GRID2: variants seen among roughly 807,000 people sequenced by gnomAD.
The protein encoded by GRID2 is glutamate receptor ionotropic, delta-2.
Under a neutral mutation model 114.8 loss-of-function variants are expected in GRID2, and 33 were observed. The observed-to-expected ratio is 0.29, with a 90% confidence interval of 0.22 to 0.38. The LOEUF (loss-of-function observed/expected upper bound fraction) is 0.38, where lower values mean the gene tolerates loss of function less well. Among genes scored for constraint, GRID2 ranks in the 10% least tolerant of loss-of-function variants. GRID2 has a pLI of 1.00. For synonymous variants in GRID2, 505 were observed against 449.9 expected (o/e 1.12, Z -1.55); for missense variants, 1,184 against 1,257.7 (o/e 0.94, Z 0.89).
Position 93,130,096 on chromosome 4 carries a change from T to C in GRID2, c.735+19143T>C, listed in dbSNP as rs115565675. The stretch of plus-strand genomic sequence containing the variant: ...TTTATTTGTAATACTGTTGTTTTAA[T>C]TATCCAGGTTGAGAATTAGACAGGC... On this transcript the variant is annotated intron_variant, in intron 4 of 15. Coordinates refer to ENST00000282020, the MANE Select transcript of GRID2 (RefSeq NM_001510.4). Among the ~76,000 whole-genome samples the C allele has an allele frequency of 7.8e-3, 1,181 of 152,282 alleles. 16 individuals carry two copies. The highest frequency in any genetic ancestry group is 0.027 in the African/African-American group (1,120 of 41,562).
intron 2 of GRID2, among the ~76,000 whole-genome samples, chr4:92,818,718 T>C (rs1323591652): frequency 6.6e-6 from 1 of 152,120 alleles, no homozygotes; most frequent in East Asian, 1.9e-4. Context: ...AAGTGCTCTT[T>C]CATACTTCAT....
intron 10 of GRID2, among the ~76,000 whole-genome samples, chr4:93,450,569 A>G (rs185684009): frequency 1.3e-4 from 19 of 151,896 alleles, no homozygotes; most frequent in Admixed American, 1.2e-3. Flanking sequence ...AATGTATTTC[A>G]ATTTGTCTAA....
intron 2 of GRID2, among the ~76,000 whole-genome samples, chr4:92,992,760 T>C (rs534384825): frequency 1.3e-5 from 2 of 152,302 alleles, no homozygotes; most frequent in African/African-American, 4.8e-5. Context: ...TACCAGTAGA[T>C]AATAATGAAA....
chr4:92,433,646 CTT>C (rs965154742), intron 1 of GRID2, among the ~76,000 whole-genome samples: 18 of 152,284 alleles, frequency 1.2e-4, no homozygotes, highest in African/African-American at 3.8e-4. Context: ...TTTCCACCCC[CTT>C]CAGTGCCTCT....
intron 1 of GRID2, among the ~76,000 whole-genome samples, chr4:92,409,531 G>A (rs1184957834): frequency 5.3e-5 from 8 of 152,010 alleles, no homozygotes; most frequent in Non-Finnish European, 1.2e-4. Flanking sequence ...AAATTTATAA[G>A]TCACCATTTC....
chr4:93,281,498 AG>A (rs1752648547), intron 8 of GRID2, among the ~76,000 whole-genome samples: 1 of 152,022 alleles, frequency 6.6e-6, no homozygotes, highest in Non-Finnish European at 1.5e-5. Flanking sequence ...TGTATTCTTT[AG>A]CAGAAACAAG....
intron 8 of GRID2, among the ~76,000 whole-genome samples, chr4:93,244,635 A>T (rs867028496): frequency 1.9e-4 from 25 of 134,194 alleles, no homozygotes; most frequent in African/African-American, 7.0e-4. Flanking sequence ...ATTATATATT[A>T]ATTAATAGAT....
intron 14 of GRID2, among the ~76,000 whole-genome samples, chr4:93,750,813 G>A (rs1236476785): frequency 6.6e-6 from 1 of 152,160 alleles, no homozygotes; most frequent in Non-Finnish European, 1.5e-5. Flanking sequence ...TAAGAGTTAG[G>A]ATAGAAGGAA....
At chr4:93,422,282 C>T (rs1371866945) in intron 9 of GRID2, among the ~76,000 whole-genome samples, 1 of 152,132 alleles carries the variant, frequency 6.6e-6, no homozygotes, top group Non-Finnish European at 1.5e-5. Flanking sequence ...TAGTGAATAA[C>T]TCCCAGTAAA....
At chr4:93,711,802 G>A (rs1397004320) in intron 14 of GRID2, among the ~76,000 whole-genome samples, 1 of 152,154 alleles carries the variant, frequency 6.6e-6, no homozygotes, top group Non-Finnish European at 1.5e-5. Flanking sequence ...ATTCAAGACT[G>A]TCTTTCCTAC....
chr4:92,949,649 T>G (rs889485006), intron 2 of GRID2, among the ~76,000 whole-genome samples: 5 of 151,344 alleles, frequency 3.3e-5, no homozygotes, highest in African/African-American at 1.2e-4. Context: ...CAGGTAGAAT[T>G]TGGTAGGCTT....
chr4:93,408,951 A>G (rs1388554927), intron 9 of GRID2, among the ~76,000 whole-genome samples: 4 of 152,166 alleles, frequency 2.6e-5, no homozygotes, highest in Non-Finnish European at 5.9e-5. Flanking sequence ...CTGTCACCTT[A>G]TTCTTAAAAC....
chr4:93,413,241 C>G (rs1307826027), intron 9 of GRID2, among the ~76,000 whole-genome samples: 1 of 152,198 alleles, frequency 6.6e-6, no homozygotes, highest in Non-Finnish European at 1.5e-5. Flanking sequence ...TATTTCTTCA[C>G]AGCCTTGCCA....
chr4:93,302,661 T>A, intron 8 of GRID2: 1 of 445,514 alleles, frequency 2.2e-6, no homozygotes, highest in Non-Finnish European at 4.5e-6. Flanking sequence ...TATAAAAACC[T>A]AATTTTCTGT....
intron 2 of GRID2, among the ~76,000 whole-genome samples, chr4:92,835,935 T>C (rs1241667441): frequency 1.3e-5 from 2 of 152,158 alleles, no homozygotes; most frequent in African/African-American, 2.4e-5. Context: ...TGTGGAATAC[T>C]TCTACGGTAG....
intron 5 of GRID2, among the ~76,000 whole-genome samples, chr4:93,215,434 T>G (rs1744091519): frequency 6.6e-6 from 1 of 152,064 alleles, no homozygotes; most frequent in Admixed American, 6.6e-5. Flanking sequence ...GGATACCGTT[T>G]AATCCTACTT....
chr4:92,304,501 C>T lies in GRID2; in HGVS notation c.-156C>T, dbSNP rs1725274324. 1.6e-6 allele frequency: 1 copy of T among 638,624 alleles called. No homozygotes were observed. The highest frequency in any genetic ancestry group is 2.8e-6 in the Non-Finnish European group (1 of 360,260). 39.6% of individuals were successfully genotyped at this position (638,624 alleles called of 1,614,324 possible). A position where few individuals can be genotyped will look rare whatever the true frequency, so the allele number is the denominator to read the frequency against. On this transcript the variant is annotated 5_prime_UTR_variant, in exon 1 of 16. Coordinates refer to ENST00000282020, the MANE Select transcript of GRID2 (RefSeq NM_001510.4). ...CTTTCTGTCATTCCCTTCTGCCTTT[C>T]TCGGCGACGATAAAAGGCTTTGCTC...
At chr4:92,779,750 T>C (rs960401673) in intron 2 of GRID2, among the ~76,000 whole-genome samples, 4 of 152,158 alleles carry the variant, frequency 2.6e-5, no homozygotes, top group African/African-American at 9.7e-5. Flanking sequence ...CATATAGTTA[T>C]ATTTCATTAG....
chr4:93,624,202 T>C (rs1316975681), intron 13 of GRID2, among the ~76,000 whole-genome samples: 3 of 152,130 alleles, frequency 2.0e-5, no homozygotes, highest in Non-Finnish European at 4.4e-5. Context: ...CAATCTATTT[T>C]TTTAATCTGA....
Sources: allele counts gnomAD v4.1 joint callset (sites outside exome capture counted in the v4.1 genomes callset), GRCh38; gene constraint gnomAD v4.1.1; transcripts MANE v1.5; gene names NCBI Gene and HGNC (gene_info 2026-07-23, HGNC 2026-07-21).